KCNH8: variants seen among roughly 807,000 people sequenced by gnomAD.
The protein encoded by KCNH8 is voltage-gated delayed rectifier potassium channel KCNH8.
In KCNH8, 70 loss-of-function variants were observed where a neutral mutation model predicts 103.6. That is an observed-to-expected ratio of 0.68 (90% CI 0.56 to 0.82). The LOEUF (loss-of-function observed/expected upper bound fraction) is 0.82. Ranked by LOEUF, KCNH8 falls within the 40% of genes least tolerant of loss-of-function variation. KCNH8 has a pLI of 0.00. For synonymous variants in KCNH8, 498 were observed against 489.4 expected (o/e 1.02, Z -0.23); for missense variants, 1,217 against 1,329.9 (o/e 0.92, Z 1.32).
intron 7 of KCNH8, among the ~76,000 whole-genome samples, chr3:19,420,207 T>G (rs1575045790): frequency 6.6e-6 from 1 of 152,180 alleles, no homozygotes; most frequent in Admixed American, 6.5e-5. Context: ...GCTGCTGTGG[T>G]TGTTTTAACT....
intron 3 of KCNH8, among the ~76,000 whole-genome samples, chr3:19,336,921 G>A (rs533271058): frequency 6.6e-6 from 1 of 151,968 alleles, no homozygotes; most frequent in African/African-American, 2.4e-5. Context: ...ACTGGAGAGA[G>A]AGTATATTTC....
chr3:19,263,919 G>T (rs1170243149), intron 2 of KCNH8, among the ~76,000 whole-genome samples: 1 of 151,990 alleles, frequency 6.6e-6, no homozygotes, highest in Non-Finnish European at 1.5e-5. Context: ...AAAGTCTATA[G>T]GGCCACCAAA....
At chr3:19,308,707 TCTCTCTCTCTCC>T (rs2065166181) in intron 3 of KCNH8, among the ~76,000 whole-genome samples, 1 of 63,050 alleles carries the variant, frequency 1.6e-5, no homozygotes, top group African/African-American at 8.9e-5. Context: ...TCTCTCTCTC[TCTCTCTCTCTCC>T]CCCTCTCTCC....
At chr3:19,322,553 AGAGATTTG>A (rs1191284469) in intron 3 of KCNH8, among the ~76,000 whole-genome samples, 2 of 152,146 alleles carry the variant, frequency 1.3e-5, no homozygotes, top group Admixed American at 6.5e-5. Flanking sequence ...CTTTCTGTTG[AGAGATTTG>A]CTGTTAATCT....
chr3:19,481,759 C>T (rs2068090883), intron 11 of KCNH8, among the ~76,000 whole-genome samples: 1 of 152,196 alleles, frequency 6.6e-6, no homozygotes. Flanking sequence ...TTAAATTCTA[C>T]AGTACATCAG....
chr3:19,161,832 A>G (rs1332004941), intron 1 of KCNH8, among the ~76,000 whole-genome samples: 1 of 152,188 alleles, frequency 6.6e-6, no homozygotes, highest in Non-Finnish European at 1.5e-5. Context: ...GTTAATCACT[A>G]TAGAAGCTGG....
intron 14 of KCNH8, among the ~76,000 whole-genome samples, chr3:19,515,995 T>TTGA (rs2068868158): frequency 6.6e-6 from 1 of 152,066 alleles, no homozygotes; most frequent in Non-Finnish European, 1.5e-5. Context: ...CAATCTTGAG[T>TTGA]TTGTTGCTCG....
chr3:19,234,428 C>T (rs1003133637), intron 1 of KCNH8, among the ~76,000 whole-genome samples: 5 of 152,208 alleles, frequency 3.3e-5, no homozygotes, highest in African/African-American at 1.2e-4. Flanking sequence ...AGCCCTGCCC[C>T]GCGAGAAGCC....
intron 3 of KCNH8, among the ~76,000 whole-genome samples, chr3:19,342,251 TG>T (rs1259352562): frequency 1.3e-5 from 2 of 152,106 alleles, no homozygotes; most frequent in Non-Finnish European, 2.9e-5. Context: ...CTGGAAAGAA[TG>T]TTTTTAAATG....
intron 3 of KCNH8, among the ~76,000 whole-genome samples, chr3:19,305,945 T>C (rs556775804): frequency 2.8e-4 from 42 of 151,606 alleles, no homozygotes; most frequent in African/African-American, 8.5e-4. Flanking sequence ...GCCTTGAAAA[T>C]CAAAAAATAA....
intron 1 of KCNH8, among the ~76,000 whole-genome samples, chr3:19,238,108 C>G (rs1253051950): frequency 6.6e-6 from 1 of 152,138 alleles, no homozygotes; most frequent in East Asian, 1.9e-4. Flanking sequence ...GTTTCTGCAC[C>G]TCATGGTAGT....
At chr3:19,224,096 T>C (rs554639626) in intron 1 of KCNH8, among the ~76,000 whole-genome samples, 1 of 152,294 alleles carries the variant, frequency 6.6e-6, no homozygotes, top group South Asian at 2.1e-4. Flanking sequence ...AGATTTCTGT[T>C]AAGATTAATT....
chr3:19,210,454 A>C (rs1440324527), intron 1 of KCNH8, among the ~76,000 whole-genome samples: 1 of 152,106 alleles, frequency 6.6e-6, no homozygotes, highest in Non-Finnish European at 1.5e-5. Flanking sequence ...ACCAGGGTGA[A>C]TAAAGCCTTC....
intron 11 of KCNH8, among the ~76,000 whole-genome samples, chr3:19,477,563 T>C (rs1289903632): frequency 6.6e-6 from 1 of 152,052 alleles, no homozygotes; most frequent in Admixed American, 6.6e-5. Context: ...CTGGAAGGCA[T>C]GACACTATCA....
intron 11 of KCNH8, among the ~76,000 whole-genome samples, chr3:19,466,589 C>T (rs2067740166): frequency 6.6e-6 from 1 of 150,906 alleles, no homozygotes; most frequent in African/African-American, 2.4e-5. Context: ...AACCCTTCAC[C>T]AACAAAGAGA....
chr3:19,453,054 A>G (rs765520911), intron 10 of KCNH8, among the ~76,000 whole-genome samples: 8 of 152,150 alleles, frequency 5.3e-5, no homozygotes, highest in Non-Finnish European at 8.8e-5. Flanking sequence ...TTGCAGCAAT[A>G]TGGATTGAAC....
In KCNH8 at chr3:19,301,261, AAT is replaced by A. The variant is rs1450327925; in HGVS notation, c.442+19934_442+19935del. 2.6e-4 allele frequency among the ~76,000 whole-genome samples: 39 copies of A among 151,298 alleles called. 1 individual carries two copies. The highest frequency in any genetic ancestry group is 2.6e-3 in the Admixed American group (39 of 15,164). On this transcript the variant is annotated intron_variant, in intron 3 of 15. Transcript: ENST00000328405. ...ATATCAGGTTGCAATTAAAAATAAA[AAT>A]AGTGACAATTTGTATCCATTTTTAA...
intron 3 of KCNH8, among the ~76,000 whole-genome samples, 186 bp from the exon 4 acceptor site, chr3:19,342,401 A>G (rs187777142): frequency 6.6e-6 from 1 of 152,268 alleles, no homozygotes; most frequent in Admixed American, 6.5e-5. Context: ...AATGCAGTCA[A>G]TATGATGATA....
At chr3:19,431,345 TGATG>T (rs1252305115) in intron 7 of KCNH8, among the ~76,000 whole-genome samples, 1 of 152,222 alleles carries the variant, frequency 6.6e-6, no homozygotes, top group Non-Finnish European at 1.5e-5. Flanking sequence ...TACTTGATTG[TGATG>T]GATAAGCTTT....
Sources: allele counts gnomAD v4.1 joint callset (sites outside exome capture counted in the v4.1 genomes callset), GRCh38; gene constraint gnomAD v4.1.1; transcripts MANE v1.5; gene names NCBI Gene and HGNC (gene_info 2026-07-23, HGNC 2026-07-21).